Variants in MEI4 observed in about 807,000 individuals in gnomAD.
MEI4 encodes the protein meiosis-specific protein MEI4.
Under a neutral mutation model 31.4 loss-of-function variants are expected in MEI4, and 27 were observed. That is an observed-to-expected ratio of 0.86 (90% CI 0.63 to 1.19). The LOEUF is 1.19. Among genes scored for constraint, MEI4 ranks in the 50% most tolerant of loss-of-function variants. The pLI, the probability that MEI4 is intolerant of heterozygous loss-of-function variation, is 0.00. For synonymous variants in MEI4, 122 were observed against 145.4 expected (o/e 0.84, Z 1.16); for missense variants, 329 against 398.9 (o/e 0.82, Z 1.49).
intron 3 of MEI4, among the ~76,000 whole-genome samples, chr6:77,805,776 A>T (rs1014625841): frequency 2.0e-5 from 3 of 152,102 alleles, no homozygotes; most frequent in African/African-American, 7.2e-5. Context: ...TTACATAGAT[A>T]ATTTTTGCTG....
At chr6:77,801,170 G>T (rs557487243) in intron 3 of MEI4, among the ~76,000 whole-genome samples, 6 of 152,236 alleles carry the variant, frequency 3.9e-5, no homozygotes, top group East Asian at 3.9e-4. Flanking sequence ...CAATTTCAGA[G>T]CCTGTTTTTG....
chr6:77,746,467 T>A (rs532472400), intron 2 of MEI4, among the ~76,000 whole-genome samples: 1 of 152,134 alleles, frequency 6.6e-6, no homozygotes, highest in Non-Finnish European at 1.5e-5. Flanking sequence ...GCATTTATCC[T>A]GCTTTCACAC....
chr6:77,654,685 A>C (rs999026273), intron 1 of MEI4, among the ~76,000 whole-genome samples: 1 of 151,498 alleles, frequency 6.6e-6, no homozygotes, highest in Non-Finnish European at 1.5e-5. Flanking sequence ...TTGATAATCA[A>C]ATTGAATTTA....
chr6:77,761,098 G>A, intron 2 of MEI4, 32 bp from the exon 3 acceptor site: 1 of 1,227,054 alleles, frequency 8.1e-7, no homozygotes. Context: ...TCAGCTGCAT[G>A]AAGATAATCC....
At chr6:77,841,326 TATATATA>T (rs1340351503) in intron 4 of MEI4, among the ~76,000 whole-genome samples, 2 of 62,596 alleles carry the variant, frequency 3.2e-5, no homozygotes, top group Admixed American at 1.7e-4. Flanking sequence ...TATATATATA[TATATATA>T]TTTTTTTTTT....
intron 4 of MEI4, among the ~76,000 whole-genome samples, chr6:77,912,850 A>G (rs1766462159): frequency 1.3e-5 from 2 of 152,150 alleles, no homozygotes; most frequent in Admixed American, 1.3e-4. Flanking sequence ...TGGAATAAAA[A>G]TATTAGAGTT....
chr6:77,817,789 A>G (rs2127707160), intron 3 of MEI4, among the ~76,000 whole-genome samples: 1 of 152,196 alleles, frequency 6.6e-6, no homozygotes, highest in Non-Finnish European at 1.5e-5. Context: ...GGACTGAGTA[A>G]TGAAAGCAAA....
At chr6:77,676,347 G>A (rs113501154) in intron 1 of MEI4, among the ~76,000 whole-genome samples, 1 of 151,992 alleles carries the variant, frequency 6.6e-6, no homozygotes, top group African/African-American at 2.4e-5. Flanking sequence ...AACATAGGGT[G>A]ATCCCCATCT....
At chr6:77,778,546 C>T (rs1349887173) in intron 3 of MEI4, among the ~76,000 whole-genome samples, 1 of 151,410 alleles carries the variant, frequency 6.6e-6, no homozygotes, top group Non-Finnish European at 1.5e-5. Flanking sequence ...ACTAAAAATA[C>T]AAAAAAATAG....
chr6:77,670,259 C>T (rs1562199462), intron 1 of MEI4, among the ~76,000 whole-genome samples: 1 of 151,890 alleles, frequency 6.6e-6, no homozygotes, highest in East Asian at 2.0e-4. Context: ...TCCTCTAAGT[C>T]TTCTCTTTTT....
At chr6:77,680,228 G>A (rs563629452) in intron 1 of MEI4, among the ~76,000 whole-genome samples, 1 of 151,218 alleles carries the variant, frequency 6.6e-6, no homozygotes, top group Admixed American at 6.6e-5. Flanking sequence ...GCAGTGAGCC[G>A]AGATCGCACC....
intron 3 of MEI4, among the ~76,000 whole-genome samples, chr6:77,800,213 A>C (rs62415494): frequency 7.2e-5 from 11 of 151,972 alleles, no homozygotes; most frequent in South Asian, 2.1e-4. Flanking sequence ...TCTTTCACAT[A>C]CCTTGTAAGT....
chr6:77,666,751 T>C (rs1310962329), intron 1 of MEI4, among the ~76,000 whole-genome samples: 2 of 150,894 alleles, frequency 1.3e-5, no homozygotes, highest in Admixed American at 1.3e-4. Context: ...TTAGAATTGA[T>C]TGATATGCAG....
At chr6:77,916,235 T>C (rs1766543092) in intron 4 of MEI4, among the ~76,000 whole-genome samples, 1 of 152,096 alleles carries the variant, frequency 6.6e-6, no homozygotes, top group Admixed American at 6.6e-5. Context: ...ATATTTTGAA[T>C]TCTTTTTCCA....
intron 3 of MEI4, among the ~76,000 whole-genome samples, chr6:77,815,985 C>CA: frequency 6.6e-6 from 1 of 151,442 alleles, no homozygotes; most frequent in Non-Finnish European, 1.5e-5. Flanking sequence ...AATTTTTTCT[C>CA]AAAAAACGAA....
intron 3 of MEI4, among the ~76,000 whole-genome samples, chr6:77,800,854 A>G (rs926092938): frequency 6.6e-6 from 1 of 152,088 alleles, no homozygotes; most frequent in Non-Finnish European, 1.5e-5. Flanking sequence ...ACTTGATCAT[A>G]GTGGATAAGC....
intron 3 of MEI4, among the ~76,000 whole-genome samples, chr6:77,787,718 G>T (rs1159865664): frequency 6.6e-6 from 1 of 151,718 alleles, no homozygotes; most frequent in Non-Finnish European, 1.5e-5. Context: ...ATAAAGAAAT[G>T]GAAATCTAAA....
At chr6:77,752,165 C>T (rs1372547015) in intron 2 of MEI4, among the ~76,000 whole-genome samples, 1 of 152,138 alleles carries the variant, frequency 6.6e-6, no homozygotes, top group Non-Finnish European at 1.5e-5. Flanking sequence ...CAATATCATA[C>T]TGAATGGGCA....
chr6:77,686,943 A>G (rs1414349639), intron 1 of MEI4, among the ~76,000 whole-genome samples: 2 of 147,714 alleles, frequency 1.4e-5, no homozygotes, highest in Non-Finnish European at 3.0e-5. Flanking sequence ...AAGTTATAAT[A>G]TAAATATAAA....
Sources: gnomAD v4.1 joint callset for allele counts (sites outside exome capture counted in the v4.1 genomes callset) on GRCh38, gnomAD v4.1.1 for gene constraint, MANE v1.5 for transcripts, NCBI Gene and HGNC (gene_info 2026-07-23, HGNC 2026-07-21) for gene names.